RFC2: variants seen among roughly 807,000 people sequenced by gnomAD.
The protein encoded by RFC2 is A1 40 kDa subunit.
In RFC2, 34 loss-of-function variants were observed where a neutral mutation model predicts 44.8. The observed-to-expected ratio is 0.76, with a 90% CI of 0.58 to 1.01. RFC2 has a LOEUF of 1.01. Ranked by LOEUF, RFC2 falls within the 50% of genes least tolerant of loss-of-function variation. The probability of loss-of-function intolerance (pLI) is 0.00; values close to 1 mark genes in which losing one functional copy is unlikely to be tolerated. For missense variants in RFC2, 400 were observed against 453.6 expected, an observed-to-expected ratio of 0.88 and a Z score of 1.07; for synonymous variants, 177 against 168.9, an observed-to-expected ratio of 1.05 and a Z score of -0.37.
At chr7:74,253,292 G>C (rs3135656) in intron 1 of RFC2, among the ~76,000 whole-genome samples, 22,639 of 151,566 alleles carry the variant, frequency 0.15, 2,693 homozygotes, top group African/African-American at 0.33. Context: ...GCGATCTTGG[G>C]TCACTACCAA....
chr7:74,253,173 A>G (rs934898506), intron 1 of RFC2, among the ~76,000 whole-genome samples: 1 of 151,670 alleles, frequency 6.6e-6, no homozygotes, highest in Non-Finnish European at 1.5e-5. Context: ...GTGTGACAAC[A>G]TGGGTGCAAC....
chr7:74,233,283 C>T (rs1247520717), intron 10 of RFC2, among the ~76,000 whole-genome samples: 4 of 152,080 alleles, frequency 2.6e-5, no homozygotes, highest in African/African-American at 9.7e-5. Context: ...GAGGCCGAGG[C>T]GGGAGGATCA....
intron 6 of RFC2, among the ~76,000 whole-genome samples, chr7:74,242,270 C>T (rs955002959): frequency 6.6e-6 from 1 of 152,190 alleles, no homozygotes; most frequent in South Asian, 2.1e-4. Flanking sequence ...ATCCTTGTGC[C>T]TCCAAGAGTG....
At chr7:74,233,617 T>A (rs1554717623) in intron 10 of RFC2, among the ~76,000 whole-genome samples, 3 of 148,030 alleles carry the variant, frequency 2.0e-5, no homozygotes, top group Non-Finnish European at 3.0e-5. Flanking sequence ...TTTTTTTTTT[T>A]AAGATGGAGT....
chr7:74,242,142 G>T (rs1490960060), intron 6 of RFC2, among the ~76,000 whole-genome samples: 1 of 152,176 alleles, frequency 6.6e-6, no homozygotes, highest in Non-Finnish European at 1.5e-5. Flanking sequence ...CTTCCCGGAG[G>T]CAACAAATTC....
intron 3 of RFC2, among the ~76,000 whole-genome samples, chr7:74,249,436 G>T (rs1019679405): frequency 2.9e-4 from 44 of 152,170 alleles, no homozygotes; most frequent in Non-Finnish European, 8.8e-5. Context: ...AGCTAGTCGG[G>T]AGGCTGAGGT....
intron 2 of RFC2, 62 bp from the exon 3 acceptor site, chr7:74,249,842 G>A (rs1786811531): frequency 1.4e-6 from 2 of 1,405,200 alleles, no homozygotes; most frequent in Non-Finnish European, 2.0e-6. Flanking sequence ...ACATAAAAAA[G>A]ATAGAAAAAA....
At position 74,238,275 on chromosome 7, in the gene RFC2, C is replaced by T. The variant is rs1294077713; in HGVS notation, c.759+648G>A. Among the ~76,000 whole-genome samples the T allele has an allele frequency of 1.3e-5, 2 of 152,178 alleles. No homozygotes were observed. Among genetic ancestry groups the T allele is most frequent in the African/African-American group, 4.8e-5 (2 of 41,452 alleles). On this transcript the variant is annotated intron_variant, in intron 8 of 10. Coordinates refer to ENST00000055077, the MANE Select transcript of RFC2 (RefSeq NM_181471.3). This position sits in a 1 kb window ranked among gnomAD's most constrained non-coding sequence, Gnocchi z 4.0. ...CTATAGGCTGAAAGCTTGGACAGCC[C>T]TTCCCAGTTTCTTCCCCCAAATAAG...
At chr7:74,243,445 C>T (rs568558037) in intron 5 of RFC2, among the ~76,000 whole-genome samples, 199 bp from the exon 6 acceptor site, 36 of 152,144 alleles carry the variant, frequency 2.4e-4, no homozygotes, top group African/African-American at 7.0e-4. Context: ...TTAGTACCTA[C>T]AGCATCAGAA....
chr7:74,237,589 T>C, intron 8 of RFC2, 147 bp from the exon 9 acceptor site: 3 of 488,966 alleles, frequency 6.1e-6, no homozygotes, highest in Non-Finnish European at 1.1e-5. Context: ...AGGATGAGTT[T>C]GGGGAATGCT....
intron 5 of RFC2, among the ~76,000 whole-genome samples, chr7:74,243,805 T>C (rs1803459608): frequency 6.7e-6 from 1 of 148,532 alleles, no homozygotes; most frequent in Non-Finnish European, 1.5e-5. Flanking sequence ...TACAAAAAAT[T>C]TTAAAAAATA....
At chr7:74,242,569 T>C (rs987722526) in intron 6 of RFC2, among the ~76,000 whole-genome samples, 2 of 151,972 alleles carry the variant, frequency 1.3e-5, no homozygotes, top group Non-Finnish European at 2.9e-5. Context: ...CTTGATTATA[T>C]AGTGCTTGGC....
chr7:74,252,808 G>A (rs1163126417), intron 1 of RFC2, among the ~76,000 whole-genome samples: 4 of 152,030 alleles, frequency 2.6e-5, no homozygotes, highest in African/African-American at 7.2e-5. Context: ...GGTGGTGTGC[G>A]TCTGTAATCC....
chr7:74,254,107 T>C (rs369900788), intron 1 of RFC2, among the ~76,000 whole-genome samples, 164 bp downstream of exon 1: 10 of 152,298 alleles, frequency 6.6e-5, no homozygotes, highest in African/African-American at 2.2e-4. Context: ...TCTCGATCCA[T>C]GTCCGTCGCC....
Position 74,237,349 on chromosome 7 carries a change from G to A in RFC2, c.840+13C>T, listed in dbSNP as rs1554718487. The A allele has an allele frequency of 1.3e-6, 2 of 1,595,608 alleles. No individual in the cohort carries two copies. Among genetic ancestry groups the A allele is most frequent in the Non-Finnish European group, 1.7e-6 (2 of 1,169,904 alleles). On this transcript the variant is annotated intron_variant, in intron 9 of 10. Transcript: ENST00000055077. ...AGCGGTTCCTCTGCCAGGACGGGGG[G>A]AAGGAGGCCAACCTTGTAGGCTTCG...
intron 1 of RFC2, 129 bp from the exon 2 acceptor site, chr7:74,252,627 G>A (rs1013167023): frequency 1.5e-6 from 1 of 677,866 alleles, no homozygotes; most frequent in Non-Finnish European, 2.7e-6. Flanking sequence ...CCAAATGGTT[G>A]CAAGTTTTAA....
chr7:74,248,754 G>A (rs1267957244), intron 4 of RFC2, among the ~76,000 whole-genome samples: 5 of 151,748 alleles, frequency 3.3e-5, no homozygotes, highest in South Asian at 2.1e-4. Context: ...TACCTGCCTC[G>A]GCCTCCCAAA....
At chr7:74,253,618 G>A (rs1172101508) in intron 1 of RFC2, 3 of 153,468 alleles carry the variant, frequency 2.0e-5, no homozygotes, top group African/African-American at 7.2e-5. Flanking sequence ...CAGCTACTAG[G>A]AAGGCTGAGG....
intron 10 of RFC2, among the ~76,000 whole-genome samples, chr7:74,233,343 T>A (rs1554717547): frequency 1.3e-5 from 2 of 151,988 alleles, no homozygotes; most frequent in African/African-American, 4.8e-5. Context: ...GGACACCCCG[T>A]CTCCACCAAA....
Sources: gnomAD v4.1 joint callset for allele counts (sites outside exome capture counted in the v4.1 genomes callset) on GRCh38, gnomAD v4.1.1 for gene constraint, Gnocchi (gnomAD v3.1) non-coding constraint, MANE v1.5 for transcripts, NCBI Gene and HGNC (gene_info 2026-07-23, HGNC 2026-07-21) for gene names.